The following KRT86 variants were observed in gnomAD, a reference collection of about 807,000 sequenced individuals.
KRT86 encodes the protein keratin 86, also known as keratin, type II cuticular Hb6.
Under a neutral mutation model 41.2 loss-of-function variants are expected in KRT86, and 30 were observed. The ratio of observed to expected loss-of-function variants is 0.73; its 90% CI spans 0.54 to 0.99. The LOEUF (loss-of-function observed/expected upper bound fraction) is 0.99, where lower values mean the gene tolerates loss of function less well. Ranked by LOEUF, KRT86 falls within the 50% of genes least tolerant of loss-of-function variation. The pLI is 0.00. For missense variants in KRT86, 561 were observed against 571.4 expected, an observed-to-expected ratio of 0.98 and a Z score of 0.19; for synonymous variants, 238 against 238.1, an observed-to-expected ratio of 1.00 and a Z score of 0.00.
intron 2 of KRT86, among the ~76,000 whole-genome samples, chr12:52,293,138 GAGAATT>G (rs1938172517): frequency 6.6e-6 from 1 of 152,232 alleles, no homozygotes; most frequent in Non-Finnish European, 1.5e-5. Flanking sequence ...AAACTGTATA[GAGAATT>G]AGAATTAGAA....
rs1043389957 is a variant in KRT86, at chr12:52,301,897, T to G, written c.-4-16T>G. 8 of 1,613,736 alleles carry G rather than the reference T, an allele frequency of 5.0e-6. No individual in the cohort carries two copies. The East Asian group carries it at 1.8e-4, about 36-fold the overall frequency. On this transcript the variant is annotated splice_polypyrimidine_tract_variant and intron_variant, in intron 2 of 10. Coordinates refer to ENST00000423955, the MANE Select transcript of KRT86 (RefSeq NM_001320198.2). ...GGACGTCTCCATCCTCAGAACCTCC[T>G]CTCTTCCCCAAAAAGCACCATGACT... is the stretch of plus-strand genomic sequence containing the variant.
Position 52,306,017 on chromosome 12 carries a change from A to G in KRT86, c.1027-43A>G, listed in dbSNP as rs377691548. 2.5e-6 allele frequency: 4 copies of G among 1,610,336 alleles called. No individual in the cohort carries two copies. In the African/African-American group the frequency reaches 5.4e-5, roughly 22 times the overall value. ...TCTCATCGAGGTAAGCATCAGAGAG[A>G]CCCAGGGACTCTAATCTACCTTGTT... is the stretch of plus-strand genomic sequence containing the variant. On this transcript the variant is annotated intron_variant, in intron 8 of 10. Transcript: ENST00000423955.
At chr12:52,296,253 G>A (rs1475355486) in intron 2 of KRT86, among the ~76,000 whole-genome samples, 1 of 152,192 alleles carries the variant, frequency 6.6e-6, no homozygotes, top group Non-Finnish European at 1.5e-5. Context: ...GGAAGAGGAG[G>A]AAACTGGAGG....
Position 52,302,162 on chromosome 12 carries a change from G to A in KRT86, c.246G>A (p.Ser82=), listed in dbSNP as rs754205786. ...GTCCCCCATGCATCACCACCGTGTC[G>A]GTCAACGAGAGCCTCCTCACGCCCC... ...GPSPPCITTV[S]VNESLLTPLN... The change falls in exon 3 of 11, where the codon TCG becomes TCA. Residue 82 remains serine, a synonymous_variant. Coordinates refer to ENST00000423955, the MANE Select transcript of KRT86 (RefSeq NM_001320198.2). 3.4e-6 allele frequency: 5 copies of A among 1,471,390 alleles called. No homozygotes were observed. Among genetic ancestry groups the A allele is most frequent in the South Asian group, 1.2e-5 (1 of 80,318 alleles). 91.1% of individuals were successfully genotyped at this position (1,471,390 alleles called of 1,614,324 possible).
chr12:52,292,529 A>G (rs1938152005), intron 2 of KRT86, among the ~76,000 whole-genome samples: 1 of 152,258 alleles, frequency 6.6e-6, no homozygotes. Context: ...GTGGCTACTT[A>G]AATTTAAGTT....
At chr12:52,298,810 A>T (rs7309438) in intron 2 of KRT86, among the ~76,000 whole-genome samples, 110,308 of 152,034 alleles carry the variant, frequency 0.73, 41,117 homozygotes, top group African/African-American at 0.92. Flanking sequence ...TATTTATTTT[A>T]ATGTTTTCTT....
chr12:52,295,442 C>G (rs1464476121), intron 2 of KRT86, among the ~76,000 whole-genome samples: 1 of 152,164 alleles, frequency 6.6e-6, no homozygotes, highest in African/African-American at 2.4e-5. Context: ...CATTGCACTC[C>G]CTTCTGTACA....
intron 2 of KRT86, chr12:52,288,263 A>G: frequency 6.2e-7 from 1 of 1,600,914 alleles, no homozygotes; most frequent in Non-Finnish European, 8.5e-7. Context: ...ACACAGCCTC[A>G]GGGACTGCAA....
chr12:52,286,780 C>A (rs1745382224), intron 2 of KRT86: 2 of 1,613,824 alleles, frequency 1.2e-6, no homozygotes, highest in Non-Finnish European at 1.7e-6. Context: ...CACTGGACCC[C>A]AAATACTCAC....
chr12:52,304,473 C>G (rs1938454411), intron 5 of KRT86, among the ~76,000 whole-genome samples: 1 of 150,306 alleles, frequency 6.7e-6, no homozygotes, highest in African/African-American at 2.4e-5. Flanking sequence ...ATAGCAGATA[C>G]AATGTCTCTG....
intron 2 of KRT86, among the ~76,000 whole-genome samples, chr12:52,295,012 C>T (rs1049036703): frequency 4.6e-5 from 7 of 152,176 alleles, no homozygotes; most frequent in African/African-American, 1.4e-4. Context: ...CTTTCTACCT[C>T]GATAGCCACA....
chr12:52,294,627 A>G (rs1215293130), intron 2 of KRT86, among the ~76,000 whole-genome samples: 1 of 152,204 alleles, frequency 6.6e-6, no homozygotes, highest in African/African-American at 2.4e-5. Flanking sequence ...TTCAACACAA[A>G]AAATGCATAG....
intron 2 of KRT86, among the ~76,000 whole-genome samples, chr12:52,277,211 T>C (rs1206810313): frequency 4.6e-5 from 7 of 152,086 alleles, no homozygotes. Context: ...GCTTCTGGGA[T>C]CCTGGCTCAT....
chr12:52,305,309 C>T lies in KRT86; in HGVS notation c.805C>T (p.Leu269=). ...TGTCAAGCTGGACAACAGCCGGGACCTGAACATGGACTGCATCATTGCCGA... is the reference window on the plus strand; with the variant it reads ...TGTCAAGCTGGACAACAGCCGGGACTTGAACATGGACTGCATCATTGCCGA... ...VVVKLDNSRD[L]NMDCIIAEIK... Residue 269 remains leucine, a synonymous_variant, in exon 7 of 11, where the codon CTG becomes TTG. Coordinates refer to ENST00000423955, the MANE Select transcript of KRT86 (RefSeq NM_001320198.2). The T allele has an allele frequency of 1.2e-6, 2 of 1,614,224 alleles. No individual in the cohort carries two copies. Among genetic ancestry groups the T allele is most frequent in the Admixed American group, 1.7e-5 (1 of 60,030 alleles).
rs1487566815 is a variant in KRT86, at chr12:52,301,958, C to T, written c.42C>T (p.Cys14=). The T allele has an allele frequency of 5.0e-6, 8 of 1,613,666 alleles. No individual in the cohort carries two copies. Among genetic ancestry groups the T allele is most frequent in the African/African-American group, 1.3e-5 (1 of 74,934 alleles). Reference sequence around the variant, plus strand: ...ACTGTGGTGGCCGCGCCTTCAGCTGCATCTCGGCCTGCGGGCCCCGGCCCG... The same window carrying T: ...ACTGTGGTGGCCGCGCCTTCAGCTGTATCTCGGCCTGCGGGCCCCGGCCCG... ...GSYCGGRAFS[C]ISACGPRPGR... Residue 14 remains cysteine, a synonymous_variant, in exon 3 of 11, where the codon TGC becomes TGT. Coordinates refer to ENST00000423955, the MANE Select transcript of KRT86 (RefSeq NM_001320198.2).
At chr12:52,286,066 C>T (rs1340711442) in intron 2 of KRT86, 4 of 628,186 alleles carry the variant, frequency 6.4e-6, no homozygotes, top group South Asian at 3.9e-5. Context: ...CTAGGGTGGC[C>T]TTTCCCACTG....
chr12:52,281,849 C>T (rs1358353931), intron 2 of KRT86, among the ~76,000 whole-genome samples: 1 of 152,168 alleles, frequency 6.6e-6, no homozygotes, highest in Non-Finnish European at 1.5e-5. Context: ...AGCGATCCTC[C>T]TGCCTCAACC....
intron 2 of KRT86, chr12:52,288,534 C>T: frequency 6.4e-7 from 1 of 1,552,654 alleles, no homozygotes; most frequent in Non-Finnish European, 8.9e-7. Flanking sequence ...CCATCCATTC[C>T]ATGTAGCCAG....
At chr12:52,299,162 A>G (rs1340046283) in intron 2 of KRT86, among the ~76,000 whole-genome samples, 1 of 152,032 alleles carries the variant, frequency 6.6e-6, no homozygotes, top group Non-Finnish European at 1.5e-5. Context: ...GATGAGATCA[A>G]TTTTTTTAGC....
Sources: allele counts gnomAD v4.1 joint callset (sites outside exome capture counted in the v4.1 genomes callset), GRCh38; gene constraint gnomAD v4.1.1; transcripts MANE v1.5; gene names NCBI Gene and HGNC (gene_info 2026-07-23, HGNC 2026-07-21).